Variants in PTPRN2 observed in about 807,000 individuals in gnomAD.
The protein encoded by PTPRN2 is protein tyrosine phosphatase receptor type N2, also known as receptor-type tyrosine-protein phosphatase N2.
In PTPRN2, 74 loss-of-function variants were observed where a neutral mutation model predicts 118.8. That is an observed-to-expected ratio of 0.62 (90% CI 0.52 to 0.76). The LOEUF is 0.76. PTPRN2 is among the 30% of genes least tolerant of loss of function. The pLI, the probability that PTPRN2 is intolerant of heterozygous loss-of-function variation, is 0.00. For missense variants in PTPRN2, 1,481 were observed against 1,394.4 expected (o/e 1.06, Z -0.99); for synonymous variants, 641 against 608.0 (o/e 1.05, Z -0.80).
In PTPRN2 at chr7:157,801,405, C is replaced by A. The variant is rs1195738824; in HGVS notation, c.1788+97268G>T. Among the ~76,000 whole-genome samples the A allele has an allele frequency of 6.6e-6, 1 of 152,152 alleles. No individual in the cohort carries two copies. The highest frequency in any genetic ancestry group is 1.5e-5 in the Non-Finnish European group (1 of 68,054). ...TTTATTTATTCACGGAGAGGCTCTGCATCACGAGAGTGCTGCGTTAACCCA... is the reference window on the plus strand; with the variant it reads ...TTTATTTATTCACGGAGAGGCTCTGAATCACGAGAGTGCTGCGTTAACCCA... On this transcript the variant is annotated intron_variant, in intron 12 of 22. Transcript: ENST00000389418. This position sits in a 1 kb window ranked among gnomAD's most constrained non-coding sequence, Gnocchi z 4.2.
rs764786620 is a variant in PTPRN2, at chr7:157,603,970, G to A, written c.2418+32C>T. On this transcript the variant is annotated intron_variant, in intron 16 of 22. Transcript: ENST00000389418. This position sits in a 1 kb window ranked among gnomAD's most constrained non-coding sequence, Gnocchi z 5.4. Reference sequence around the variant, plus strand: ...CCGCGTCCGTGCCACCCAAGGGAAAGCCTGGGGCCCCTGTCCCGGCAGTGC... The same window carrying A: ...CCGCGTCCGTGCCACCCAAGGGAAAACCTGGGGCCCCTGTCCCGGCAGTGC... The A allele has an allele frequency of 6.2e-7, 1 of 1,604,652 alleles. No individual in the cohort carries two copies. The highest frequency in any genetic ancestry group is 1.3e-5 in the African/African-American group (1 of 74,832).
intron 12 of PTPRN2, among the ~76,000 whole-genome samples, chr7:157,883,724 G>T (rs1445733331): frequency 7.0e-6 from 1 of 143,724 alleles, no homozygotes; most frequent in African/African-American, 2.7e-5. Context: ...AGAAAAGACT[G>T]TCGGAGATTG....
rs1488011943 is a variant in PTPRN2 at position 157,618,223 on chromosome 7, G to A, written c.2344+3139C>T. ...GGGGAAGGCGGGGCATGAGAGAAGGGAGGGGTGGTCCCGAGGACCCTTTCC... is the reference window on the plus strand; with the variant it reads ...GGGGAAGGCGGGGCATGAGAGAAGGAAGGGGTGGTCCCGAGGACCCTTTCC... On this transcript the variant is annotated intron_variant, in intron 15 of 22. Coordinates refer to ENST00000389418, the MANE Select transcript of PTPRN2 (RefSeq NM_002847.5). This position sits in a 1 kb window ranked among gnomAD's most constrained non-coding sequence, Gnocchi z 4.2. 6.6e-6 allele frequency: 1 copy of A among 152,282 alleles called. No homozygotes were observed. Among genetic ancestry groups the A allele is most frequent in the Non-Finnish European group, 1.5e-5 (1 of 68,068 alleles). The allele number at this position is 152,282 out of a possible 1,614,324, so 9.4% of individuals were successfully genotyped here.
chr7:157,836,696 C>A (rs1204864456), intron 12 of PTPRN2, among the ~76,000 whole-genome samples: 3 of 152,000 alleles, frequency 2.0e-5, no homozygotes, highest in Non-Finnish European at 1.5e-5. Context: ...TCAATAGACA[C>A]AAAACAAGTA....
In PTPRN2 at chr7:158,448,502, G is replaced by T. The variant is rs977062816; in HGVS notation, c.163+41233C>A. The stretch of plus-strand genomic sequence containing the variant: ...CGCTGCAGTGCAGGAGGGTGGGGTG[G>T]GGAGGGGGTCCCCTCCAGAGGAGCT... On this transcript the variant is annotated intron_variant, in intron 2 of 22. Transcript: ENST00000389418. Among the ~76,000 whole-genome samples, 3 of 152,172 alleles carry T rather than the reference G, an allele frequency of 2.0e-5. 1 individual carries two copies. The highest frequency in any genetic ancestry group is 6.5e-5 in the Admixed American group (1 of 15,308).
intron 5 of PTPRN2, among the ~76,000 whole-genome samples, chr7:158,179,864 T>C (rs1157369429): frequency 6.6e-6 from 1 of 152,248 alleles, no homozygotes; most frequent in African/African-American, 2.4e-5. Flanking sequence ...AATGACCTGA[T>C]GACCCAAAAG....
chr7:157,915,206 ATTTC>A (rs1444213859), intron 11 of PTPRN2, among the ~76,000 whole-genome samples: 3 of 152,224 alleles, frequency 2.0e-5, no homozygotes, highest in South Asian at 2.1e-4. Context: ...GTGGACTCAA[ATTTC>A]TTGGAATTTT....
intron 3 of PTPRN2, among the ~76,000 whole-genome samples, chr7:158,287,085 T>C (rs1485672181): frequency 6.6e-5 from 10 of 152,174 alleles, no homozygotes; most frequent in Non-Finnish European, 8.8e-5. Context: ...AGGTATCATA[T>C]GCTTAGGGAT....
At chr7:157,704,502 T>C (rs1798230898) in intron 12 of PTPRN2, among the ~76,000 whole-genome samples, 1 of 152,214 alleles carries the variant, frequency 6.6e-6, no homozygotes, top group South Asian at 2.1e-4. Flanking sequence ...TGTGTGTGCT[T>C]GGGAATGGAG....
At chr7:158,044,783 T>G (rs1225818887) in intron 11 of PTPRN2, among the ~76,000 whole-genome samples, 4 of 152,126 alleles carry the variant, frequency 2.6e-5, no homozygotes, top group Admixed American at 2.0e-4. Context: ...AAAAGAGATC[T>G]TTTCCTGCAC....
intron 1 of PTPRN2, among the ~76,000 whole-genome samples, chr7:158,554,094 A>T (rs1266629685): frequency 6.6e-6 from 1 of 152,178 alleles, no homozygotes. Flanking sequence ...TATATACCCC[A>T]TCTCTTCTAA....
chr7:157,814,659 A>G (rs569179692), intron 12 of PTPRN2, among the ~76,000 whole-genome samples: 13 of 152,328 alleles, frequency 8.5e-5, no homozygotes, highest in Admixed American at 8.5e-4. Context: ...AAAATGTACG[A>G]TTCACCATGG....
At chr7:158,162,703 G>A (rs988360861) in intron 6 of PTPRN2, among the ~76,000 whole-genome samples, 2 of 151,790 alleles carry the variant, frequency 1.3e-5, no homozygotes, top group African/African-American at 2.4e-5. Context: ...CACTGAACCT[G>A]CTTTAAAGCT....
intron 2 of PTPRN2, among the ~76,000 whole-genome samples, chr7:158,478,757 G>A (rs763024656): frequency 3.9e-5 from 6 of 152,120 alleles, no homozygotes; most frequent in Admixed American, 6.5e-5. Flanking sequence ...TGTACACGCC[G>A]TACAGAGATG....
At chr7:157,696,856 A>ACC (rs1563356284) in intron 12 of PTPRN2, among the ~76,000 whole-genome samples, 1 of 115,452 alleles carries the variant, frequency 8.7e-6, no homozygotes, top group African/African-American at 3.4e-5. Context: ...CTCACCGTCT[A>ACC]CACATGCATA....
At chr7:157,823,920 C>G (rs550735724) in intron 12 of PTPRN2, among the ~76,000 whole-genome samples, 9 of 152,250 alleles carry the variant, frequency 5.9e-5, no homozygotes, top group African/African-American at 2.2e-4. Flanking sequence ...ATCAGTCCTT[C>G]GTTCCACAGC....
intron 2 of PTPRN2, among the ~76,000 whole-genome samples, chr7:158,462,006 G>C (rs2464328): frequency 0.45 from 32,839 of 72,860 alleles, 5,522 homozygotes; most frequent in Admixed American, 0.5. Context: ...CCCGTCCTTG[G>C]ATAGAACCGC....
chr7:158,442,907 A>G (rs1340123133), intron 2 of PTPRN2, among the ~76,000 whole-genome samples: 3 of 151,942 alleles, frequency 2.0e-5, no homozygotes, highest in Non-Finnish European at 2.9e-5. Context: ...CCTTACGGAC[A>G]AGAGGAGGAC....
chr7:158,046,694 G>C (rs1332382509), intron 11 of PTPRN2, among the ~76,000 whole-genome samples: 1 of 152,164 alleles, frequency 6.6e-6, no homozygotes, highest in Admixed American at 6.5e-5. Flanking sequence ...ATGCCGGGCT[G>C]GGTGTCAGAA....
Sources: gnomAD v4.1 joint callset for allele counts (sites outside exome capture counted in the v4.1 genomes callset) on GRCh38, gnomAD v4.1.1 for gene constraint, Gnocchi (gnomAD v3.1) non-coding constraint, MANE v1.5 for transcripts, NCBI Gene and HGNC (gene_info 2026-07-23, HGNC 2026-07-21) for gene names.